The following CCDC177 variants were observed in gnomAD, a reference collection of about 807,000 sequenced individuals.
CCDC177 encodes the protein coiled-coil domain containing 177.
Under a neutral mutation model 7.3 loss-of-function variants are expected in CCDC177, and 2 were observed. The observed-to-expected ratio is 0.28, with a 90% CI of 0.11 to 0.87. The LOEUF is 0.87. CCDC177 is among the 40% of genes least tolerant of loss of function. CCDC177 has a pLI of 0.61. For missense variants in CCDC177, 874 were observed against 970.5 expected, an observed-to-expected ratio of 0.90 and a Z score of 1.32; for synonymous variants, 401 against 449.2, an observed-to-expected ratio of 0.89 and a Z score of 1.36.
At position 69,571,638 on chromosome 14, in the gene CCDC177, C is replaced by A. The variant is rs1290259846; in HGVS notation, c.1985G>T (p.Arg662Leu). Reference sequence around the variant, plus strand: ...GGAGCGGGCGCTCTCCAGCGCACTGCGCCGTTCCCGCGTCAGCTGCTCGCT... The same window carrying A: ...GGAGCGGGCGCTCTCCAGCGCACTGAGCCGTTCCCGCGTCAGCTGCTCGCT... ...ERSEQLTRER[R>L]SALESARSTA... The change falls in exon 2 of 2, where the codon CGC becomes CTC. Residue 662 changes from arginine (R) to leucine (L), a missense_variant. Arg to Leu is a moderately radical substitution (Grantham distance 102). Transcript: ENST00000599174. The A allele has an allele frequency of 1.4e-5, 17 of 1,232,432 alleles. No homozygotes were observed. Among genetic ancestry groups the A allele is most frequent in the Non-Finnish European group, 1.6e-5 (16 of 988,542 alleles). 76.3% of individuals were successfully genotyped at this position (1,232,432 alleles called of 1,614,324 possible).
At position 69,574,726 on chromosome 14, in the gene CCDC177, G is replaced by C. The variant is rs1343096484; in HGVS notation, c.-213C>G. ...CTGCGAACAGGGCGCACGCACCCCAGATGCTACCTACACGTGGGAGGGGGA... is the reference window on the plus strand; with the variant it reads ...CTGCGAACAGGGCGCACGCACCCCACATGCTACCTACACGTGGGAGGGGGA... On this transcript the variant is annotated 5_prime_UTR_variant, in exon 1 of 2. The change creates a new upstream start codon in the 5' untranslated region. Coordinates refer to ENST00000599174, the MANE Select transcript of CCDC177 (RefSeq NM_001271507.2). 2.0e-5 allele frequency: 3 copies of C among 152,214 alleles called. No individual in the cohort carries two copies. The highest frequency in any genetic ancestry group is 4.4e-5 in the Non-Finnish European group (3 of 68,066). The allele number at this position is 152,214 out of a possible 1,614,324, so 9.4% of individuals were successfully genotyped here.
rs1465439909 is a variant in CCDC177 at position 69,572,566 on chromosome 14, GCTC to G, written c.1054_1056del (p.Glu352del). 1 of 1,231,162 alleles carries G rather than the reference GCTC, an allele frequency of 8.1e-7. No individual in the cohort carries two copies. The highest frequency in any genetic ancestry group is 1.5e-5 in the African/African-American group (1 of 64,520). 76.3% of individuals were successfully genotyped at this position (1,231,162 alleles called of 1,614,324 possible). A position where few individuals can be genotyped will look rare whatever the true frequency, so the allele number is the denominator to read the frequency against. On this transcript the variant is annotated inframe_deletion, in exon 2 of 2. Coordinates refer to ENST00000599174, the MANE Select transcript of CCDC177 (RefSeq NM_001271507.2). The stretch of plus-strand genomic sequence containing the variant: ...GCCGCGCGTTGCTCCAGCAGCAGGA[GCTC>G]CTCCTGGTGCCGCGCCAGCATGAGC...
chr14:69,571,661 G>C lies in CCDC177; in HGVS notation c.1962C>G (p.Ser654Arg). The change falls in exon 2 of 2, where the codon AGC (serine) becomes AGG (arginine). Residue 654 changes from serine (S) to arginine (R), a missense_variant. Physicochemically the swap from Ser to Arg is moderately radical, Grantham distance 110. Coordinates refer to ENST00000599174, the MANE Select transcript of CCDC177 (RefSeq NM_001271507.2). ...TGCGCCGTTCCCGCGTCAGCTGCTC[G>C]CTGCGCTCCAGCTTGCGCCCGATGG... is the stretch of plus-strand genomic sequence containing the variant. ...LQAIGRKLER[S>R]EQLTRERRSA... is the part of the protein sequence containing the mutation. 2.4e-6 allele frequency: 3 copies of C among 1,232,076 alleles called. No individual in the cohort carries two copies. The highest frequency in any genetic ancestry group is 3.0e-6 in the Non-Finnish European group (3 of 988,238). 76.3% of individuals were successfully genotyped at this position (1,232,076 alleles called of 1,614,324 possible).
Position 69,573,400 on chromosome 14 carries a change from C to A in CCDC177, c.223G>T (p.Asp75Tyr). 2.4e-6 allele frequency: 3 copies of A among 1,231,386 alleles called. No homozygotes were observed. The highest frequency in any genetic ancestry group is 3.0e-6 in the Non-Finnish European group (3 of 987,762). The allele number at this position is 1,231,386 out of a possible 1,614,324, so 76.3% of individuals were successfully genotyped here. A position where few individuals can be genotyped will look rare whatever the true frequency, so the allele number is the denominator to read the frequency against. ...RREQSPLLHL[D>Y]LFNFDCPEAE... ...TCTGGGCAGTCGAAGTTGAAGAGGT[C>A]GAGGTGCAGCAGCGGGGACTGCTCC... The change falls in exon 2 of 2, where the codon GAC becomes TAC. Residue 75 changes from aspartate to tyrosine, a missense_variant. Transcript: ENST00000599174.
At position 69,572,626 on chromosome 14, in the gene CCDC177, C is replaced by G; in HGVS notation, c.997G>C (p.Gly333Arg). ...ATCTTCCGGTCACGCTCCGGCACCC[C>G]GCGCAGGCCGCGCTCTGCACGCACT... ...RQVRAERGLR[G>R]VPERDRKIAA... The change falls in exon 2 of 2, where the codon GGG (glycine) becomes CGG (arginine). Residue 333 changes from glycine (G) to arginine (R), a missense_variant. Transcript: ENST00000599174. 1.8e-5 allele frequency: 22 copies of G among 1,231,242 alleles called. No individual in the cohort carries two copies. Among genetic ancestry groups the G allele is most frequent in the Non-Finnish European group, 2.1e-5 (21 of 987,602 alleles). The allele number at this position is 1,231,242 out of a possible 1,614,324, so 76.3% of individuals were successfully genotyped here.
chr14:69,571,941 C>T lies in CCDC177; in HGVS notation c.1682G>A (p.Arg561Gln), dbSNP rs1884332848. 1.6e-6 allele frequency: 2 copies of T among 1,232,298 alleles called. No homozygotes were observed. Among genetic ancestry groups the T allele is most frequent in the Non-Finnish European group, 1.0e-6 (1 of 988,488 alleles). 76.3% of individuals were successfully genotyped at this position (1,232,298 alleles called of 1,614,324 possible). A position where few individuals can be genotyped will look rare whatever the true frequency, so the allele number is the denominator to read the frequency against. Residue 561 changes from arginine to glutamine, a missense_variant, in exon 2 of 2, where the codon CGG becomes CAG. Physicochemically the swap from Arg to Gln is conservative, Grantham distance 43 (BLOSUM62 1). Transcript: ENST00000599174. ...CCGCCGACCCTGCAGCTCCTCTCGCCGGGCCCGCTCCCGCAGCTCCCGGGT... is the reference window on the plus strand; with the variant it reads ...CCGCCGACCCTGCAGCTCCTCTCGCTGGGCCCGCTCCCGCAGCTCCCGGGT... Reference protein sequence around the residue: ...QRTRELRERARREELQGRRAK... With the variant: ...QRTRELRERAQREELQGRRAK...
chr14:69,573,693 C>G, intron 1 of CCDC177, 43 bp from the exon 2 acceptor site: 2 of 1,229,546 alleles, frequency 1.6e-6, no homozygotes, highest in South Asian at 8.2e-5. Context: ...CGTCTGAGAG[C>G]TCTTCCCCCC....
Position 69,572,385 on chromosome 14 carries a change from G to C in CCDC177, c.1238C>G (p.Ala413Gly), listed in dbSNP as rs1884345993. 1 of 1,219,886 alleles carries C rather than the reference G, an allele frequency of 8.2e-7. No homozygotes were observed. Among genetic ancestry groups the C allele is most frequent in the African/African-American group, 1.6e-5 (1 of 63,736 alleles). The allele number at this position is 1,219,886 out of a possible 1,614,324, so 75.6% of individuals were successfully genotyped here. A position where few individuals can be genotyped will look rare whatever the true frequency, so the allele number is the denominator to read the frequency against. The change falls in exon 2 of 2, where the codon GCG (alanine) becomes GGG (glycine). Residue 413 changes from alanine (A) to glycine (G), a missense_variant. By Grantham distance (60) the Ala-to-Gly change is moderately conservative (BLOSUM62 0). Transcript: ENST00000599174. ...GTACTGCCGCTGCCGCCGCCGCGCC[G>C]CCTCGCGCTCTTCGCGGCCACGGCG... ...RGRRGREERE[A>G]ARRRQRQYER...
chr14:69,573,697 TC>T (rs773774456), intron 1 of CCDC177, 47 bp from the exon 2 acceptor site: 23 of 1,227,586 alleles, frequency 1.9e-5, no homozygotes, highest in Non-Finnish European at 2.2e-5. Context: ...TGAGAGCTCT[TC>T]CCCCCTCCTC....
In CCDC177 at chr14:69,571,529, G is replaced by A; in HGVS notation, c.2094C>T (p.Ala698=). 8.0e-7 allele frequency: 1 copy of A among 1,243,156 alleles called. No individual in the cohort carries two copies. Among genetic ancestry groups the A allele is most frequent in the Non-Finnish European group, 1.0e-6 (1 of 993,804 alleles). 77.0% of individuals were successfully genotyped at this position (1,243,156 alleles called of 1,614,324 possible). The change falls in exon 2 of 2, where the codon GCC becomes GCT. Residue 698 remains alanine, a synonymous_variant. Transcript: ENST00000599174. ...TRSFDRMVRE[A]QLHASLDRK ...TGCGGTCCAGGCTGGCGTGTAGCTG[G>A]GCCTCCCGCACCATGCGGTCGAAGG... is the stretch of plus-strand genomic sequence containing the variant.
In CCDC177 at chr14:69,573,068, C is replaced by T. The variant is rs1428388386; in HGVS notation, c.555G>A (p.Ala185=). The T allele has an allele frequency of 2.5e-6, 3 of 1,201,682 alleles. No homozygotes were observed. The African/African-American group carries it at 5.1e-5, about 21-fold the overall frequency. The allele number at this position is 1,201,682 out of a possible 1,614,324, so 74.4% of individuals were successfully genotyped here. The change falls in exon 2 of 2, where the codon GCG becomes GCA. Residue 185 remains alanine (A), a synonymous_variant. Coordinates refer to ENST00000599174, the MANE Select transcript of CCDC177 (RefSeq NM_001271507.2). The part of the protein sequence containing the change: ...AAAAAASAPS[A]GSSSSCSSAS... ...CGCTGCTGCAGCTGCTGCTGCTGCC[C>T]GCGCTCGGGGCCGAGGCCGCGGCGG...
In CCDC177 at chr14:69,571,855, G is replaced by C. The variant is rs978967540; in HGVS notation, c.1768C>G (p.Arg590Gly). ...EHQAHLEALARAGERRLQHAT... is the reference protein window; with the variant it reads ...EHQAHLEALAGAGERRLQHAT... ...TGCTGCAGCCGTCGCTCCCCCGCCC[G>C]GGCCAGCGCCTCCAGGTGCGCCTGA... Residue 590 changes from arginine (R) to glycine (G), a missense_variant, in exon 2 of 2, where the codon CGG becomes GGG. Physicochemically the swap from Arg to Gly is moderately radical, Grantham distance 125. Coordinates refer to ENST00000599174, the MANE Select transcript of CCDC177 (RefSeq NM_001271507.2). The C allele has an allele frequency of 2.4e-6, 3 of 1,231,600 alleles. No individual in the cohort carries two copies. Among genetic ancestry groups the C allele is most frequent in the East Asian group, 6.3e-5 (2 of 31,676 alleles). 76.3% of individuals were successfully genotyped at this position (1,231,600 alleles called of 1,614,324 possible).
In CCDC177 at chr14:69,572,835, A is replaced by G; in HGVS notation, c.788T>C (p.Leu263Pro). The G allele has an allele frequency of 1.6e-6, 2 of 1,230,782 alleles. No individual in the cohort carries two copies. Among genetic ancestry groups the G allele is most frequent in the Non-Finnish European group, 2.0e-6 (2 of 987,412 alleles). The allele number at this position is 1,230,782 out of a possible 1,614,324, so 76.2% of individuals were successfully genotyped here. A position where few individuals can be genotyped will look rare whatever the true frequency, so the allele number is the denominator to read the frequency against. ...GGCCGAGGCCCGAGGCGGCCAGCGC[A>G]GCTCCCTCAAGCTTTCCCCACTGTA... ...SSYSGESLRE[L>P]RWPPRASARN... The change falls in exon 2 of 2, where the codon CTG becomes CCG. Residue 263 changes from leucine to proline, a missense_variant. Transcript: ENST00000599174.
In CCDC177 at chr14:69,571,406, G is replaced by A. The variant is rs1352862161; in HGVS notation, c.*93C>T. 1.0e-5 allele frequency: 9 copies of A among 893,872 alleles called. No individual in the cohort carries two copies. Among genetic ancestry groups the A allele is most frequent in the African/African-American group, 8.4e-5 (5 of 59,408 alleles). The allele number at this position is 893,872 out of a possible 1,614,324, so 55.4% of individuals were successfully genotyped here. A position where few individuals can be genotyped will look rare whatever the true frequency, so the allele number is the denominator to read the frequency against. On this transcript the variant is annotated 3_prime_UTR_variant, in exon 2 of 2. Transcript: ENST00000599174. ...GTCAGAAGCCTCGAGAGGCCACCGC[G>A]CTGCGCACCGAGCGGGGACTCCCAC... is the stretch of plus-strand genomic sequence containing the variant.
At position 69,573,559 on chromosome 14, in the gene CCDC177, C is replaced by T; in HGVS notation, c.64G>A (p.Glu22Lys). The T allele has an allele frequency of 2.4e-6, 3 of 1,231,860 alleles. No homozygotes were observed. Among genetic ancestry groups the T allele is most frequent in the East Asian group, 3.2e-5 (1 of 31,694 alleles). 76.3% of individuals were successfully genotyped at this position (1,231,860 alleles called of 1,614,324 possible). A position where few individuals can be genotyped will look rare whatever the true frequency, so the allele number is the denominator to read the frequency against. ...TCAGGGGGCACGGACGCCACGGCCT[C>T]GTCCCCTCCAGAGTCGCCGGGTTCC... ...GAEPGDSGGD[E>K]AVASVPPDSQ... The change falls in exon 2 of 2, where the codon GAG becomes AAG. Residue 22 changes from glutamate (E) to lysine (K), a missense_variant. Coordinates refer to ENST00000599174, the MANE Select transcript of CCDC177 (RefSeq NM_001271507.2).
Position 69,572,729 on chromosome 14 carries a change from G to C in CCDC177, c.894C>G (p.Ile298Met). 8.1e-7 allele frequency: 1 copy of C among 1,231,558 alleles called. No homozygotes were observed. The highest frequency in any genetic ancestry group is 1.0e-6 in the Non-Finnish European group (1 of 987,830). 76.3% of individuals were successfully genotyped at this position (1,231,558 alleles called of 1,614,324 possible). A position where few individuals can be genotyped will look rare whatever the true frequency, so the allele number is the denominator to read the frequency against. Residue 298 changes from isoleucine to methionine, a missense_variant, in exon 2 of 2, where the codon ATC becomes ATG. By Grantham distance (10) the Ile-to-Met change is conservative. Transcript: ENST00000599174. ...CGCCGAGGCTGAAGCTGCGGCCGGT[G>C]ATCGGAACCAGGGTCAGGGCAGACG... ...GRPSALTLVP[I>M]TGRSFSLGDL...
chr14:69,573,489 G>A lies in CCDC177; in HGVS notation c.134C>T (p.Ser45Leu), dbSNP rs1213606598. 1.4e-5 allele frequency: 17 copies of A among 1,231,156 alleles called. No individual in the cohort carries two copies. Among genetic ancestry groups the A allele is most frequent in the Non-Finnish European group, 1.6e-5 (16 of 987,706 alleles). The allele number at this position is 1,231,156 out of a possible 1,614,324, so 76.3% of individuals were successfully genotyped here. A position where few individuals can be genotyped will look rare whatever the true frequency, so the allele number is the denominator to read the frequency against. The change falls in exon 2 of 2, where the codon TCG (serine) becomes TTG (leucine). Residue 45 changes from serine to leucine, a missense_variant. Transcript: ENST00000599174. The part of the protein sequence containing the change: ...QEPAASSASA[S>L]ASAAVPRKAE... ...CTTGCGGGGCACCGCCGCGGAGGCC[G>A]AGGCCGAGGCCGAGGAAGCTGCGGG...
rs1038284762 is a variant in CCDC177 at position 69,569,944 on chromosome 14, CAG to C, written c.*1553_*1554del. On this transcript the variant is annotated 3_prime_UTR_variant, in exon 2 of 2. Transcript: ENST00000599174. ...TACTTCCCACCTTCCTTGATGAAGG[CAG>C]AGTCAATGGGTGGATATGGCCGTGG... The C allele has an allele frequency of 3.3e-5, 5 of 151,836 alleles. No homozygotes were observed. The highest frequency in any genetic ancestry group is 7.4e-5 in the Non-Finnish European group (5 of 67,982). The allele number at this position is 151,836 out of a possible 1,614,324, so 9.4% of individuals were successfully genotyped here. A position where few individuals can be genotyped will look rare whatever the true frequency, so the allele number is the denominator to read the frequency against.
In CCDC177 at chr14:69,573,066, C is replaced by A; in HGVS notation, c.557G>T (p.Gly186Val). The A allele has an allele frequency of 8.3e-7, 1 of 1,208,126 alleles. No homozygotes were observed. The highest frequency in any genetic ancestry group is 1.0e-6 in the Non-Finnish European group (1 of 977,880). The allele number at this position is 1,208,126 out of a possible 1,614,324, so 74.8% of individuals were successfully genotyped here. ...AAAAASAPSA[G>V]SSSSCSSASL... ...GGCGCTGCTGCAGCTGCTGCTGCTG[C>A]CCGCGCTCGGGGCCGAGGCCGCGGC... The change falls in exon 2 of 2, where the codon GGC (glycine) becomes GTC (valine). Residue 186 changes from glycine (G) to valine (V), a missense_variant. Coordinates refer to ENST00000599174, the MANE Select transcript of CCDC177 (RefSeq NM_001271507.2).
Sources: allele counts gnomAD v4.1 joint callset, GRCh38; gene constraint gnomAD v4.1.1; transcripts MANE v1.5; gene names NCBI Gene and HGNC (gene_info 2026-07-23, HGNC 2026-07-21).